The following PIK3C3 variants were observed in gnomAD, a reference collection of about 807,000 sequenced individuals.
The protein encoded by PIK3C3 is PI3-kinase type 3.
Under a neutral mutation model 126.1 loss-of-function variants are expected in PIK3C3, and 95 were observed. The observed-to-expected ratio is 0.75, with a 90% CI of 0.64 to 0.89. PIK3C3 has a LOEUF of 0.89. Ranked by LOEUF, PIK3C3 falls within the 40% of genes least tolerant of loss-of-function variation. The pLI is 0.00. For missense variants in PIK3C3, 829 were observed against 1,063.2 expected (o/e 0.78, Z 3.06); for synonymous variants, 374 against 360.0 (o/e 1.04, Z -0.44).
intron 22 of PIK3C3, among the ~76,000 whole-genome samples, chr18:42,061,641 T>G (rs565529727): frequency 5.9e-5 from 9 of 152,302 alleles, no homozygotes; most frequent in African/African-American, 2.2e-4. Flanking sequence ...GACTGTCCTA[T>G]GAAGTAAACA....
Position 42,086,675 on chromosome 18 carries a change from T to C in PIK3C3, c.*5538T>C, listed in dbSNP as rs1217670689. ...CACTCCCACCAGCACCATGACAGTT[T>C]ACAAATGCCATAACAACATCAGGAA... is the stretch of plus-strand genomic sequence containing the variant. On this transcript the variant is annotated 3_prime_UTR_variant, in exon 25 of 25. Coordinates refer to ENST00000262039, the MANE Select transcript of PIK3C3 (RefSeq NM_002647.4). 1 of 151,758 alleles carries C rather than the reference T, an allele frequency of 6.6e-6. No homozygotes were observed. Among genetic ancestry groups the C allele is most frequent in the East Asian group, 1.9e-4 (1 of 5,184 alleles). The allele number at this position is 151,758 out of a possible 1,614,324, so 9.4% of individuals were successfully genotyped here.
rs112892174 is a variant in PIK3C3, at chr18:42,004,475, C to T, written c.1104C>T (p.Ser368=). ...MDVEDSLELL[S]SHYTNPTVRR... is the part of the protein sequence containing the mutation. ...TAGAGGACTCCTTGGAGCTGTTATCCTCTCATTACACCAACCCAACTGTGA... is the reference window on the plus strand; with the variant it reads ...TAGAGGACTCCTTGGAGCTGTTATCTTCTCATTACACCAACCCAACTGTGA... Residue 368 remains serine, a synonymous_variant, in exon 10 of 25, where the codon TCC becomes TCT. Coordinates refer to ENST00000262039, the MANE Select transcript of PIK3C3 (RefSeq NM_002647.4). 3.0e-5 allele frequency: 48 copies of T among 1,613,572 alleles called. No homozygotes were observed. The highest frequency in any genetic ancestry group is 3.8e-5 in the Non-Finnish European group (45 of 1,179,796).
At chr18:42,021,225 A>C (rs1298609811) in intron 13 of PIK3C3, among the ~76,000 whole-genome samples, 1 of 152,098 alleles carries the variant, frequency 6.6e-6, no homozygotes, top group African/African-American at 2.4e-5. Flanking sequence ...ACCTTTTCTC[A>C]TTTGTTTCTA....
At chr18:41,963,127 C>G (rs1980181132) in intron 3 of PIK3C3, among the ~76,000 whole-genome samples, 1 of 151,868 alleles carries the variant, frequency 6.6e-6, no homozygotes, top group Non-Finnish European at 1.5e-5. Flanking sequence ...GATATTTTCT[C>G]TATATCGTTT....
intron 4 of PIK3C3, among the ~76,000 whole-genome samples, chr18:41,978,047 A>T (rs1338648316): frequency 1.4e-4 from 22 of 152,140 alleles, no homozygotes; most frequent in Admixed American, 1.4e-3. Flanking sequence ...CTGCAGCCTC[A>T]GTCTCCCGGA....
At chr18:42,061,306 G>A (rs1163704683) in intron 22 of PIK3C3, among the ~76,000 whole-genome samples, 1 of 152,058 alleles carries the variant, frequency 6.6e-6, no homozygotes, top group Non-Finnish European at 1.5e-5. Flanking sequence ...TTGTTGGCCG[G>A]GCAGGGTGGC....
chr18:41,995,758 C>A, intron 7 of PIK3C3, 132 bp from the exon 8 acceptor site: 1 of 658,720 alleles, frequency 1.5e-6, no homozygotes, highest in Non-Finnish European at 2.7e-6. Flanking sequence ...ATGTAGAAGA[C>A]TGCTAAAGTT....
intron 11 of PIK3C3, 47 bp from the exon 12 acceptor site, chr18:42,015,429 G>C: frequency 7.0e-7 from 1 of 1,435,394 alleles, no homozygotes; most frequent in East Asian, 2.3e-5. Flanking sequence ...GTTCTCTTAT[G>C]GACAGAGTAT....
At position 42,084,051 on chromosome 18, in the gene PIK3C3, A is replaced by G. The variant is rs1270280215; in HGVS notation, c.*2914A>G. 1 of 152,198 alleles carries G rather than the reference A, an allele frequency of 6.6e-6. No individual in the cohort carries two copies. Among genetic ancestry groups the G allele is most frequent in the Non-Finnish European group, 1.5e-5 (1 of 68,038 alleles). 9.4% of individuals were successfully genotyped at this position (152,198 alleles called of 1,614,324 possible). On this transcript the variant is annotated 3_prime_UTR_variant, in exon 25 of 25. Transcript: ENST00000262039. ...AAGGCACACTCAGTAGTCAGTAAAC[A>G]CATTTCTAGGAAAGGTGTTGTGTCA...
intron 13 of PIK3C3, among the ~76,000 whole-genome samples, chr18:42,022,231 C>G (rs997596165): frequency 6.6e-6 from 1 of 152,130 alleles, no homozygotes; most frequent in Non-Finnish European, 1.5e-5. Context: ...TGTTGGTGTG[C>G]TGCACCCGGT....
chr18:42,054,142 A>ATATCTATATATC (rs1568002664), intron 21 of PIK3C3, among the ~76,000 whole-genome samples: 1 of 17,238 alleles, frequency 5.8e-5, no homozygotes, highest in Admixed American at 4.5e-4. Flanking sequence ...ATATATATAT[A>ATATCTATATATC]TATATATATA....
chr18:42,048,816 T>A (rs1984667650), intron 20 of PIK3C3, among the ~76,000 whole-genome samples: 1 of 152,210 alleles, frequency 6.6e-6, no homozygotes, highest in South Asian at 2.1e-4. Flanking sequence ...GCTATAGTTT[T>A]ATATGTTTAC....
In PIK3C3 at chr18:42,075,577, G is replaced by A. The variant is rs528810032; in HGVS notation, c.2650-5546G>A. Among the ~76,000 whole-genome samples, 6 of 151,900 alleles carry A rather than the reference G, an allele frequency of 3.9e-5. No individual in the cohort carries two copies. In the South Asian group the frequency reaches 1.2e-3, roughly 31 times the overall value. On this transcript the variant is annotated intron_variant, in intron 24 of 24. Coordinates refer to ENST00000262039, the MANE Select transcript of PIK3C3 (RefSeq NM_002647.4). ...CACCTGTGAAGTAAGTGTACTACAA[G>A]TTATGTATTTACAGATGAGAAAACT...
intron 16 of PIK3C3, among the ~76,000 whole-genome samples, 192 bp from the exon 17 acceptor site, chr18:42,037,500 A>G (rs1984108453): frequency 6.6e-6 from 1 of 152,238 alleles, no homozygotes; most frequent in Admixed American, 6.5e-5. Context: ...TCCATCGTGT[A>G]GTCTTCTGAC....
chr18:42,060,569 G>T (rs1985270551), intron 22 of PIK3C3, among the ~76,000 whole-genome samples: 1 of 152,062 alleles, frequency 6.6e-6, no homozygotes, highest in Non-Finnish European at 1.5e-5. Flanking sequence ...CCAGGAGTTT[G>T]AGACCAGCCT....
At chr18:41,980,274 C>T (rs1981131683) in intron 4 of PIK3C3, among the ~76,000 whole-genome samples, 1 of 152,104 alleles carries the variant, frequency 6.6e-6, no homozygotes, top group Non-Finnish European at 1.5e-5. Context: ...AGGTATATCA[C>T]ATAAAGAAAG....
chr18:42,019,937 A>G (rs1019560501), intron 12 of PIK3C3, among the ~76,000 whole-genome samples: 15 of 152,054 alleles, frequency 9.9e-5, no homozygotes, highest in South Asian at 2.1e-4. Context: ...CTCCACCAGC[A>G]GGTCCTGTTA....
intron 12 of PIK3C3, among the ~76,000 whole-genome samples, chr18:42,016,060 T>C (rs1219088908): frequency 6.6e-6 from 1 of 152,180 alleles, no homozygotes; most frequent in Admixed American, 6.5e-5. Flanking sequence ...GCTGATGTAG[T>C]ACATATTTTT....
In PIK3C3 at chr18:41,978,261, C is replaced by T. The variant is rs1981030483; in HGVS notation, c.531+7805C>T. Among the ~76,000 whole-genome samples, 9 of 152,136 alleles carry T rather than the reference C, an allele frequency of 5.9e-5. 1 individual carries two copies. The South Asian group carries it at 1.9e-3, about 31-fold the overall frequency. Reference sequence around the variant, plus strand: ...TAAGCCACCATGCTGGACCTCTAGGCTAATTTACACCACTATAAAAGAAGT... The same window carrying T: ...TAAGCCACCATGCTGGACCTCTAGGTTAATTTACACCACTATAAAAGAAGT... On this transcript the variant is annotated intron_variant, in intron 4 of 24. Transcript: ENST00000262039.
Sources: allele counts gnomAD v4.1 joint callset (sites outside exome capture counted in the v4.1 genomes callset), GRCh38; gene constraint gnomAD v4.1.1; transcripts MANE v1.5; gene names NCBI Gene and HGNC (gene_info 2026-07-23, HGNC 2026-07-21).